Variants in TBC1D19 observed in about 807,000 individuals in gnomAD.
TBC1D19 encodes TBC1 domain family member 19, also known as TBC1 domain family, member 19.
A neutral mutation model predicts 89.0 loss-of-function variants in TBC1D19; 60 were observed. The observed-to-expected ratio is 0.67, with a 90% CI of 0.55 to 0.84. TBC1D19 has a LOEUF of 0.84. Ranked by LOEUF, TBC1D19 falls within the 40% of genes least tolerant of loss-of-function variation. The pLI is 0.00. For missense variants in TBC1D19, 500 were observed against 610.8 expected (o/e 0.82, Z 1.91); for synonymous variants, 189 against 199.7 (o/e 0.95, Z 0.45).
At chr4:26,647,532 GCTTCCGGAGGAAGGC>G (rs1400573011) in intron 7 of TBC1D19, among the ~76,000 whole-genome samples, 3 of 152,080 alleles carry the variant, frequency 2.0e-5, no homozygotes, top group Non-Finnish European at 4.4e-5. Flanking sequence ...TCTTAGCACA[GCTTCCGGAGGAAGGC>G]CTTTAAATGC....
At chr4:26,741,362 CAAAAAAAAAAAAA>C (rs34342483) in intron 17 of TBC1D19, among the ~76,000 whole-genome samples, 1 of 73,680 alleles carries the variant, frequency 1.4e-5, no homozygotes, top group Non-Finnish European at 2.6e-5. Flanking sequence ...GACTCTGTCT[CAAAAAAAAAAAAA>C]AAAAAAAAAA....
the TBC1D19 span, among the ~76,000 whole-genome samples, chr4:26,821,797 C>A: frequency 9.2e-5 from 14 of 152,348 alleles, no homozygotes; most frequent in African/African-American, 3.4e-4. Flanking sequence ...ACACACAGGT[C>A]AGCAGGTACC....
intron 4 of TBC1D19, among the ~76,000 whole-genome samples, chr4:26,625,061 CA>C (rs965346655): frequency 1.6e-4 from 25 of 151,854 alleles, no homozygotes; most frequent in Middle Eastern, 6.8e-3. Flanking sequence ...AAATTCAATT[CA>C]TTTTTTTTTT....
At chr4:26,817,875 G>A in the TBC1D19 span, among the ~76,000 whole-genome samples, 1 of 151,064 alleles carries the variant, frequency 6.6e-6, no homozygotes, top group Admixed American at 6.6e-5. Context: ...GGCTGAGACA[G>A]GAGAATCTCT....
At chr4:26,797,192 T>TA in the TBC1D19 span, among the ~76,000 whole-genome samples, 2 of 151,952 alleles carry the variant, frequency 1.3e-5, no homozygotes, top group African/African-American at 2.4e-5. Context: ...TGTTTCAGGA[T>TA]AAAAAATCAA....
At chr4:26,804,961 A>T in the TBC1D19 span, among the ~76,000 whole-genome samples, 2 of 152,288 alleles carry the variant, frequency 1.3e-5, no homozygotes, top group African/African-American at 4.8e-5. Flanking sequence ...GCCCCAGACA[A>T]TAAAGAAATC....
the TBC1D19 span, among the ~76,000 whole-genome samples, chr4:26,855,688 C>T: frequency 6.6e-6 from 1 of 152,160 alleles, no homozygotes; most frequent in African/African-American, 2.4e-5. Context: ...TTTTCTTCTC[C>T]TTGCTGATAT....
chr4:26,780,408 C>T, the TBC1D19 span, among the ~76,000 whole-genome samples: 2 of 152,154 alleles, frequency 1.3e-5, no homozygotes, highest in Non-Finnish European at 1.5e-5. Context: ...TTACAGTTTC[C>T]AACCATTTAG....
chr4:26,647,927 G>A (rs1410126749), intron 7 of TBC1D19, among the ~76,000 whole-genome samples: 2 of 151,834 alleles, frequency 1.3e-5, no homozygotes, highest in South Asian at 4.2e-4. Flanking sequence ...CTATCATGAC[G>A]TATGTAACAT....
At chr4:26,737,375 G>A (rs762182015) in intron 16 of TBC1D19, among the ~76,000 whole-genome samples, 1 of 151,918 alleles carries the variant, frequency 6.6e-6, no homozygotes, top group Non-Finnish European at 1.5e-5. Context: ...TAATAAAAAT[G>A]TTCACTTTTT....
At chr4:26,784,921 A>G in the TBC1D19 span, among the ~76,000 whole-genome samples, 24 of 152,250 alleles carry the variant, frequency 1.6e-4, no homozygotes, top group Admixed American at 8.5e-4. Flanking sequence ...AATGTTGACC[A>G]TGAAAATAAT....
At chr4:26,833,750 G>A in the TBC1D19 span, among the ~76,000 whole-genome samples, 2 of 152,220 alleles carry the variant, frequency 1.3e-5, no homozygotes, top group African/African-American at 4.8e-5. Flanking sequence ...GCTAGCCAGG[G>A]AGTTCCCAAA....
At chr4:26,834,030 T>G in the TBC1D19 span, among the ~76,000 whole-genome samples, 608 of 152,302 alleles carry the variant, frequency 4.0e-3, 2 homozygotes, top group Non-Finnish European at 6.1e-3. Flanking sequence ...CCTGTTGTTC[T>G]CGTGATAGTC....
chr4:26,694,073 C>T (rs1446245946), intron 13 of TBC1D19, among the ~76,000 whole-genome samples: 2 of 151,982 alleles, frequency 1.3e-5, no homozygotes. Flanking sequence ...TGCAGCCCAC[C>T]GAGTGTGAGC....
intron 13 of TBC1D19, among the ~76,000 whole-genome samples, chr4:26,699,460 C>T (rs1468630431): frequency 1.3e-5 from 2 of 152,134 alleles, no homozygotes; most frequent in African/African-American, 4.8e-5. Flanking sequence ...TGTGGCGATT[C>T]CTCAAGGATC....
intron 11 of TBC1D19, among the ~76,000 whole-genome samples, chr4:26,681,625 A>G (rs1456032639): frequency 6.6e-6 from 1 of 152,192 alleles, no homozygotes; most frequent in Middle Eastern, 3.2e-3. Flanking sequence ...ATATAAAAAC[A>G]TAGTGCCTAA....
chr4:26,818,403 A>AT, the TBC1D19 span, among the ~76,000 whole-genome samples: 1 of 151,680 alleles, frequency 6.6e-6, no homozygotes, highest in Non-Finnish European at 1.5e-5. Flanking sequence ...AATTTTTTGT[A>AT]TTTTTTGTAG....
intron 1 of TBC1D19, among the ~76,000 whole-genome samples, chr4:26,607,676 A>G (rs1248684967): frequency 2.0e-5 from 3 of 152,124 alleles, no homozygotes; most frequent in Admixed American, 6.6e-5. Flanking sequence ...ACACTAAGAA[A>G]CAACACTCTT....
At chr4:26,815,684 C>T in the TBC1D19 span, among the ~76,000 whole-genome samples, 2 of 152,292 alleles carry the variant, frequency 1.3e-5, no homozygotes, top group Admixed American at 6.5e-5. Flanking sequence ...TGACAGGACT[C>T]GTCAGTGCCT....
Sources: gnomAD v4.1 joint callset for allele counts (sites outside exome capture counted in the v4.1 genomes callset) on GRCh38, gnomAD v4.1.1 for gene constraint, MANE v1.5 for transcripts, NCBI Gene and HGNC (gene_info 2026-07-23, HGNC 2026-07-21) for gene names.